Variants in MID1 observed in about 807,000 individuals in gnomAD.
The protein encoded by MID1 is midline 1.
A neutral mutation model predicts 40.4 loss-of-function variants in MID1; 7 were observed. The observed-to-expected ratio is 0.17, with a 90% CI of 0.10 to 0.33. MID1 has a LOEUF of 0.33. Among genes scored for constraint, MID1 ranks in the 10% least tolerant of loss-of-function variants. MID1 has a pLI of 1.00. For missense variants in MID1, 367 were observed against 558.5 expected (o/e 0.66, Z 3.46); for synonymous variants, 229 against 221.2 (o/e 1.04, Z -0.31).
intron 1 of MID1, among the ~76,000 whole-genome samples, chrX:10,643,510 A>T (rs765542033): frequency 4.5e-5 from 5 of 111,998 alleles, no homozygotes; most frequent in Non-Finnish European, 9.4e-5. Context: ...AAAAGTCAGG[A>T]AACAACAGGT....
chrX:10,788,607 G>C (rs1011435293), intron 1 of MID1, among the ~76,000 whole-genome samples: 2 of 110,410 alleles, frequency 1.8e-5, no homozygotes, highest in Admixed American at 1.9e-4. Flanking sequence ...AACTGGGGTG[G>C]GGGTGGGGTA....
chrX:10,504,448 A>T (rs1018768115), intron 3 of MID1, among the ~76,000 whole-genome samples: 2 of 111,485 alleles, frequency 1.8e-5, no homozygotes, highest in African/African-American at 6.5e-5. Context: ...TACTACATAA[A>T]TGTGAACGAT....
At chrX:10,645,042 G>GGTAA (rs1936248208) in intron 1 of MID1, among the ~76,000 whole-genome samples, 1 of 111,593 alleles carries the variant, frequency 9.0e-6, no homozygotes, top group Non-Finnish European at 1.9e-5. Flanking sequence ...CTACCATAGT[G>GGTAA]GTAAGTACAG....
intron 1 of MID1, among the ~76,000 whole-genome samples, chrX:10,638,708 T>A (rs1375919703): frequency 8.9e-6 from 1 of 112,049 alleles, no homozygotes; most frequent in Non-Finnish European, 1.9e-5. Context: ...GACTGCCTCC[T>A]CAAGTGGGTC....
At chrX:10,719,398 C>T (rs1170621645) in intron 1 of MID1, among the ~76,000 whole-genome samples, 4 of 111,014 alleles carry the variant, frequency 3.6e-5, no homozygotes, top group Non-Finnish European at 5.7e-5. Context: ...TCTTATACAC[C>T]AATAACAGAC....
intron 1 of MID1, among the ~76,000 whole-genome samples, chrX:10,683,242 A>C (rs1314035224): frequency 1.8e-5 from 2 of 111,907 alleles, no homozygotes; most frequent in African/African-American, 6.5e-5. Context: ...ATCAACTCTT[A>C]ATGACAGAAT....
At chrX:10,580,986 C>T (rs113335266) in intron 1 of MID1, among the ~76,000 whole-genome samples, 10,824 of 106,880 alleles carry the variant, frequency 0.1, 1,047 homozygotes, top group African/African-American at 0.3. Flanking sequence ...CAGTGGCTCA[C>T]GCCTGTAATC....
chrX:10,727,922 T>C (rs140457880), intron 1 of MID1, among the ~76,000 whole-genome samples: 1 of 112,238 alleles, frequency 8.9e-6, no homozygotes, highest in Non-Finnish European at 1.9e-5. Context: ...CTAGTTTAGA[T>C]GAAGAAAATA....
chrX:10,491,701 G>A (rs1930963021), intron 4 of MID1, among the ~76,000 whole-genome samples: 2 of 111,742 alleles, frequency 1.8e-5, no homozygotes, highest in Admixed American at 1.9e-4. Flanking sequence ...ATAGATTTTA[G>A]TGTCAAAAAA....
rs991451289 is a variant in MID1, at chrX:10,567,658, G to C, written c.-56-55C>G. On this transcript the variant is annotated intron_variant, in intron 1 of 9. Transcript: ENST00000317552. ...GCACAGGGAGGTCAACCATAGGGGG[G>C]TGTCAGCTTTGAATGCATCTCAGAA... The C allele has an allele frequency of 3.6e-5, 31 of 861,014 alleles. 1 individual carries two copies. In the Admixed American group the frequency reaches 7.3e-4, roughly 20 times the overall value. 71.0% of individuals were successfully genotyped at this position (861,014 alleles called of 1,213,427 possible).
chrX:10,500,225 A>C (rs1006066739), intron 3 of MID1, among the ~76,000 whole-genome samples: 1 of 112,073 alleles, frequency 8.9e-6, no homozygotes, highest in Admixed American at 9.4e-5. Context: ...GATTTACAGA[A>C]TGGATATGTT....
Position 10,454,930 on chromosome X carries a change from C to G in MID1, c.1595G>C (p.Gly532Ala). 8.3e-7 allele frequency: 1 copy of G among 1,211,228 alleles called. No homozygotes were observed. The highest frequency in any genetic ancestry group is 1.1e-6 in the Non-Finnish European group (1 of 895,125). ...CCGGCCACTATCAATAAACACATTT[C>G]CAGCTACTCCATAGCTCCCCTGGCT... The part of the protein sequence containing the change: ...FTSQGSYGVA[G>A]NVFIDSGRHY... Residue 532 changes from glycine to alanine, a missense_variant, in exon 9 of 10, where the codon GGA becomes GCA. Physicochemically the swap from Gly to Ala is moderately conservative, Grantham distance 60. This residue lies in a region of MID1 where 275 missense variants were observed against 383.1 expected (regional missense o/e 0.72). Transcript: ENST00000317552.
At chrX:10,704,732 A>ATG in intron 1 of MID1, among the ~76,000 whole-genome samples, 2 of 89,161 alleles carry the variant, frequency 2.2e-5, no homozygotes, top group African/African-American at 9.5e-5. Context: ...ATATATATAT[A>ATG]TATATATACA....
At chrX:10,551,494 T>G (rs1329347834) in intron 2 of MID1, among the ~76,000 whole-genome samples, 1 of 112,215 alleles carries the variant, frequency 8.9e-6, no homozygotes, top group Non-Finnish European at 1.9e-5. Context: ...GACTATGTAT[T>G]TAAAATTTGA....
chrX:10,732,909 G>T (rs1231130945), intron 1 of MID1, among the ~76,000 whole-genome samples: 2 of 99,914 alleles, frequency 2.0e-5, no homozygotes, highest in Non-Finnish European at 4.0e-5. Flanking sequence ...TATCGCCCAG[G>T]CTGGAGTTCA....
At chrX:10,716,309 G>A (rs1017191378) in intron 1 of MID1, among the ~76,000 whole-genome samples, 2 of 111,368 alleles carry the variant, frequency 1.8e-5, no homozygotes, top group African/African-American at 3.3e-5. Context: ...AAGATTAGAC[G>A]AATGGCTGAC....
At chrX:10,669,239 A>AT (rs1427563244) in intron 1 of MID1, among the ~76,000 whole-genome samples, 1 of 105,259 alleles carries the variant, frequency 9.5e-6, no homozygotes, top group African/African-American at 3.5e-5. Context: ...ATAAAAAAAA[A>AT]AAAAAAAAAA....
intron 2 of MID1, among the ~76,000 whole-genome samples, chrX:10,539,771 G>A (rs1452649987): frequency 2.7e-5 from 3 of 112,529 alleles, no homozygotes; most frequent in African/African-American, 9.7e-5. Flanking sequence ...TTGAGACAGA[G>A]TCTCACTCTG....
intron 1 of MID1, among the ~76,000 whole-genome samples, chrX:10,795,563 C>T (rs953387254): frequency 1.8e-5 from 2 of 112,148 alleles, no homozygotes; most frequent in Non-Finnish European, 3.8e-5. Flanking sequence ...CTCTGAGACT[C>T]GGCATTATTT....
Sources: allele counts gnomAD v4.1 joint callset (sites outside exome capture counted in the v4.1 genomes callset), GRCh38; gene constraint gnomAD v4.1.1; regional missense constraint gnomAD v4.1.1; transcripts MANE v1.5; gene names NCBI Gene and HGNC (gene_info 2026-07-23, HGNC 2026-07-21).